The following PTPRG variants were observed in gnomAD, a reference collection of about 807,000 sequenced individuals.
PTPRG encodes the protein protein tyrosine phosphatase receptor type G.
Under a neutral mutation model 165.3 loss-of-function variants are expected in PTPRG, and 102 were observed. That is an observed-to-expected ratio of 0.62 (90% CI 0.53 to 0.73). The LOEUF (loss-of-function observed/expected upper bound fraction) is 0.73, where lower values mean the gene tolerates loss of function less well. Ranked by LOEUF, PTPRG falls within the 30% of genes least tolerant of loss-of-function variation. The pLI, the probability that PTPRG is intolerant of heterozygous loss-of-function variation, is 0.00. For synonymous variants in PTPRG, 675 were observed against 669.5 expected, an observed-to-expected ratio of 1.01 and a Z score of -0.13; for missense variants, 1,866 against 1,861.4, an observed-to-expected ratio of 1.00 and a Z score of -0.05.
intron 4 of PTPRG, among the ~76,000 whole-genome samples, chr3:62,039,649 A>G (rs1311419593): frequency 6.6e-6 from 1 of 152,188 alleles, no homozygotes; most frequent in Non-Finnish European, 1.5e-5. Flanking sequence ...AATTTCATAG[A>G]TAGATCATTT....
intron 1 of PTPRG, among the ~76,000 whole-genome samples, chr3:61,644,815 CT>C (rs971087621): frequency 1.2e-4 from 18 of 152,260 alleles, no homozygotes; most frequent in African/African-American, 4.3e-4. Flanking sequence ...TGCTTGTAAG[CT>C]TTAGATTGCT....
intron 2 of PTPRG, among the ~76,000 whole-genome samples, chr3:61,962,936 C>G (rs949921443): frequency 1.3e-5 from 2 of 152,062 alleles, no homozygotes; most frequent in Non-Finnish European, 2.9e-5. Flanking sequence ...AATACATGTA[C>G]AGCATTTGAA....
intron 2 of PTPRG, among the ~76,000 whole-genome samples, chr3:61,979,025 T>C (rs911143323): frequency 6.6e-6 from 1 of 152,212 alleles, no homozygotes; most frequent in Admixed American, 6.5e-5. Context: ...ACACGAGTTG[T>C]TGAAAGGATC....
chr3:61,725,096 G>A (rs1326474806), intron 1 of PTPRG, among the ~76,000 whole-genome samples: 4 of 151,958 alleles, frequency 2.6e-5, no homozygotes, highest in Admixed American at 6.6e-5. Context: ...TACCACTTAC[G>A]AGTTTCATAC....
chr3:62,268,706 C>T (rs559314672), intron 19 of PTPRG, among the ~76,000 whole-genome samples: 1 of 152,208 alleles, frequency 6.6e-6, no homozygotes, highest in Non-Finnish European at 1.5e-5. Flanking sequence ...ACAAACCTTA[C>T]CCACATTTCT....
intron 1 of PTPRG, among the ~76,000 whole-genome samples, chr3:61,592,765 C>G (rs780454534): frequency 1.6e-4 from 24 of 151,706 alleles, no homozygotes; most frequent in Non-Finnish European, 3.2e-4. Context: ...AAGGCAGTCC[C>G]ACAAGTTTGT....
intron 2 of PTPRG, among the ~76,000 whole-genome samples, chr3:61,914,342 A>C (rs1435788225): frequency 1.3e-5 from 2 of 152,164 alleles, no homozygotes; most frequent in African/African-American, 4.8e-5. Flanking sequence ...CCCAGTTCAA[A>C]TCTGTGTTCC....
chr3:61,959,330 GC>G (rs1386878648), intron 2 of PTPRG, among the ~76,000 whole-genome samples: 1 of 152,150 alleles, frequency 6.6e-6, no homozygotes, highest in Admixed American at 6.5e-5. Flanking sequence ...AGGCTCCCAA[GC>G]CAGCGGTCCC....
chr3:62,232,414 T>C (rs1169291311), intron 14 of PTPRG, among the ~76,000 whole-genome samples: 2 of 152,232 alleles, frequency 1.3e-5, no homozygotes, highest in African/African-American at 4.8e-5. Context: ...AAACTAAGGA[T>C]AGAAACTGAA....
intron 4 of PTPRG, among the ~76,000 whole-genome samples, chr3:62,034,936 G>A (rs1699894862): frequency 6.6e-6 from 1 of 152,100 alleles, no homozygotes; most frequent in African/African-American, 2.4e-5. Flanking sequence ...CCTGTCCGTG[G>A]CTCCTTCTTG....
chr3:62,153,418 G>A (rs1028524888), intron 6 of PTPRG, among the ~76,000 whole-genome samples: 10 of 152,238 alleles, frequency 6.6e-5, no homozygotes, highest in Admixed American at 2.6e-4. Context: ...CTAGGCCTAA[G>A]GTTGCACAGC....
chr3:61,886,073 T>C (rs1575752892), intron 2 of PTPRG, among the ~76,000 whole-genome samples: 1 of 151,894 alleles, frequency 6.6e-6, no homozygotes, highest in East Asian at 2.0e-4. Context: ...ACATGTCATG[T>C]ACTACTTGGA....
chr3:61,968,693 T>C (rs906316350), intron 2 of PTPRG, among the ~76,000 whole-genome samples: 36 of 152,280 alleles, frequency 2.4e-4, no homozygotes, highest in African/African-American at 8.7e-4. Context: ...GGGTTGACTT[T>C]GGCCTATTCA....
chr3:61,689,589 G>C (rs1322199712), intron 1 of PTPRG, among the ~76,000 whole-genome samples: 1 of 152,194 alleles, frequency 6.6e-6, no homozygotes, highest in Non-Finnish European at 1.5e-5. Flanking sequence ...AGGATGCTGA[G>C]GACCTTGGAA....
chr3:62,191,281 TGAGA>T (rs961187174), intron 8 of PTPRG, among the ~76,000 whole-genome samples, 184 bp from the exon 9 acceptor site: 5 of 149,716 alleles, frequency 3.3e-5, no homozygotes, highest in African/African-American at 4.8e-5. Context: ...CACGTGTGTG[TGAGA>T]GAGAGGGAGA....
At chr3:62,165,262 G>T (rs1364740829) in intron 7 of PTPRG, among the ~76,000 whole-genome samples, 1 of 151,854 alleles carries the variant, frequency 6.6e-6, no homozygotes, top group Non-Finnish European at 1.5e-5. Context: ...TCTTTTTCTG[G>T]GCTGTCTCCA....
intron 2 of PTPRG, among the ~76,000 whole-genome samples, chr3:61,941,374 C>T (rs2039623398): frequency 6.6e-6 from 1 of 152,184 alleles, no homozygotes; most frequent in Admixed American, 6.5e-5. Context: ...CCGGTAATCC[C>T]AGCGCTTTGG....
Position 62,203,635 on chromosome 3 carries a change from G to C in PTPRG, c.1840G>C (p.Ala614Pro), listed in dbSNP as rs375771680. Residue 614 changes from alanine (A) to proline (P), a missense_variant, in exon 12 of 30, where the codon GCT becomes CCT. Ala to Pro is a conservative substitution (Grantham distance 27, BLOSUM62 -1). Coordinates refer to ENST00000474889, the MANE Select transcript of PTPRG (RefSeq NM_002841.4). This position sits in a 1 kb window ranked among gnomAD's most constrained non-coding sequence, Gnocchi z 6.4. The part of the protein sequence containing the change: ...EKKEKSGVTH[A>P]AEERNQTEPS... ...GAAGGAGAAGAGTGGGGTGACCCAC[G>C]CTGCCGAGGAGCGGAATCAGACGGA... 6.4e-7 allele frequency: 1 copy of C among 1,556,824 alleles called. No homozygotes were observed. The highest frequency in any genetic ancestry group is 8.7e-7 in the Non-Finnish European group (1 of 1,149,744).
intron 4 of PTPRG, among the ~76,000 whole-genome samples, chr3:62,069,354 T>A (rs1438531955): frequency 6.6e-6 from 1 of 152,170 alleles, no homozygotes; most frequent in Non-Finnish European, 1.5e-5. Flanking sequence ...TAGATCTTCA[T>A]CTAATACTGC....
Sources: allele counts gnomAD v4.1 joint callset (sites outside exome capture counted in the v4.1 genomes callset), GRCh38; gene constraint gnomAD v4.1.1; non-coding constraint Gnocchi (gnomAD v3.1); transcripts MANE v1.5; gene names NCBI Gene and HGNC (gene_info 2026-07-23, HGNC 2026-07-21).